The following PCDHA3 variants were observed in gnomAD, a reference collection of about 807,000 sequenced individuals.
The protein encoded by PCDHA3 is protocadherin alpha 3, also known as protocadherin alpha-3.
A neutral mutation model predicts 62.2 loss-of-function variants in PCDHA3; 41 were observed. That is an observed-to-expected ratio of 0.66 (90% CI 0.51 to 0.86). The LOEUF (loss-of-function observed/expected upper bound fraction) is 0.86. Ranked by LOEUF, PCDHA3 falls within the 40% of genes least tolerant of loss-of-function variation. The pLI is 0.00. For missense variants in PCDHA3, 1,304 were observed against 1,241.2 expected, an observed-to-expected ratio of 1.05 and a Z score of -0.76; for synonymous variants, 640 against 555.4, an observed-to-expected ratio of 1.15 and a Z score of -2.14.
chr5:140,995,893 A>T (rs1038677586), intron 3 of PCDHA3, among the ~76,000 whole-genome samples: 1 of 152,182 alleles, frequency 6.6e-6, no homozygotes, highest in Non-Finnish European at 1.5e-5. Flanking sequence ...AGATTTATCA[A>T]TGTATAAAAG....
At chr5:140,851,766 T>A in intron 1 of PCDHA3, 2 of 968,988 alleles carry the variant, frequency 2.1e-6, no homozygotes, top group South Asian at 4.8e-5. Context: ...AACATTACCC[T>A]TATGAATTTA....
chr5:140,823,254 G>T (rs2150123985), intron 1 of PCDHA3: 22 of 1,613,170 alleles, frequency 1.4e-5, no homozygotes, highest in African/African-American at 4.0e-5. Context: ...CCTACTCGCT[G>T]GTGGAGCGGC....
chr5:140,857,197 G>A, intron 1 of PCDHA3: 2 of 1,598,586 alleles, frequency 1.3e-6, no homozygotes, highest in South Asian at 1.1e-5. Context: ...CCAACGGACA[G>A]GTCACCTGCT....
intron 1 of PCDHA3, chr5:140,822,764 C>G: frequency 4.3e-6 from 7 of 1,613,898 alleles, no homozygotes; most frequent in Non-Finnish European, 5.1e-6. Flanking sequence ...TTCCCATTAT[C>G]AGGACACTGT....
At chr5:140,877,380 C>T (rs372220347) in intron 1 of PCDHA3, 25 of 1,613,862 alleles carry the variant, frequency 1.5e-5, no homozygotes, top group Middle Eastern at 1.6e-4. Context: ...CGACACGCAT[C>T]CTGGATGAGG....
At chr5:140,914,079 A>G (rs2076595090) in intron 1 of PCDHA3, among the ~76,000 whole-genome samples, 1 of 152,164 alleles carries the variant, frequency 6.6e-6, no homozygotes, top group South Asian at 2.1e-4. Context: ...ATAACTATCT[A>G]TTAGGTCAAT....
chr5:140,967,282 G>T, intron 1 of PCDHA3: 1 of 1,613,078 alleles, frequency 6.2e-7, no homozygotes. Flanking sequence ...TAGAGAGTGC[G>T]CAGGACCCCG....
intron 1 of PCDHA3, among the ~76,000 whole-genome samples, chr5:140,954,160 A>G (rs1231258623): frequency 6.6e-6 from 1 of 152,188 alleles, no homozygotes; most frequent in Non-Finnish European, 1.5e-5. Flanking sequence ...TATATGTACC[A>G]CATTTTCTTT....
Position 140,876,248 on chromosome 5 carries a change from CAA to C in PCDHA3, c.2394+72658_2394+72659del, listed in dbSNP as rs782415667. On this transcript the variant is annotated intron_variant, in intron 1 of 3. Transcript: ENST00000522353. ...TTGTCTGAAAATGTCCAAAACGACA[CAA>C]GAGTGATCCAACTAAATGCTTCCGA... 1.9e-6 allele frequency: 3 copies of C among 1,613,868 alleles called. No homozygotes were observed. In the East Asian group the frequency reaches 6.7e-5, roughly 36 times the overall value.
chr5:140,982,265 G>A lies in PCDHA3; in HGVS notation c.2454-210G>A, dbSNP rs2096974278. ...ATAAAGATAGAACATGTGTGTTCCT[G>A]GAATAGTATAGCAGGCAATAAGTAA... On this transcript the variant is annotated intron_variant, in intron 2 of 3. Transcript: ENST00000522353. 7 of 870,768 alleles carry A rather than the reference G, an allele frequency of 8.0e-6. No individual in the cohort carries two copies. In the Admixed American group the frequency reaches 1.6e-4, roughly 20 times the overall value. 53.9% of individuals were successfully genotyped at this position (870,768 alleles called of 1,614,324 possible).
At chr5:140,935,570 T>C (rs2090442737) in intron 1 of PCDHA3, among the ~76,000 whole-genome samples, 1 of 152,236 alleles carries the variant, frequency 6.6e-6, no homozygotes, top group South Asian at 2.1e-4. Context: ...TTCCTCTCTG[T>C]GTAGTTAAGC....
chr5:140,907,066 G>A (rs748785005), intron 1 of PCDHA3, among the ~76,000 whole-genome samples: 6 of 152,096 alleles, frequency 3.9e-5, no homozygotes, highest in Non-Finnish European at 8.8e-5. Context: ...TTTACTAGTG[G>A]GTCACTAGGG....
chr5:141,008,526 G>A (rs2153997518), intron 3 of PCDHA3, among the ~76,000 whole-genome samples: 1 of 152,126 alleles, frequency 6.6e-6, no homozygotes, highest in Non-Finnish European at 1.5e-5. Flanking sequence ...TCAGACTCTT[G>A]GGAATGTCTT....
intron 1 of PCDHA3, chr5:140,823,486 G>A: frequency 6.2e-7 from 1 of 1,613,254 alleles, no homozygotes; most frequent in Non-Finnish European, 8.5e-7. Flanking sequence ...TCGAGTGGGT[G>A]GCACCGGCGG....
intron 1 of PCDHA3, chr5:140,928,602 GC>G: frequency 1.2e-6 from 2 of 1,614,176 alleles, no homozygotes; most frequent in Non-Finnish European, 1.7e-6. Flanking sequence ...TGGAAATTGT[GC>G]CCCGCTCTGC....
chr5:140,808,030 C>T (rs1315545536), intron 1 of PCDHA3: 2 of 1,613,918 alleles, frequency 1.2e-6, no homozygotes, highest in Non-Finnish European at 1.7e-6. Flanking sequence ...TTTATTCATT[C>T]TCAAATGATA....
chr5:140,892,351 G>T (rs1554185157), intron 1 of PCDHA3, among the ~76,000 whole-genome samples: 1 of 152,112 alleles, frequency 6.6e-6, no homozygotes, highest in Non-Finnish European at 1.5e-5. Context: ...ATTGACTTTT[G>T]CCAGGCATCT....
At chr5:140,936,043 C>A (rs1246569956) in intron 1 of PCDHA3, among the ~76,000 whole-genome samples, 1 of 152,038 alleles carries the variant, frequency 6.6e-6, no homozygotes, top group Non-Finnish European at 1.5e-5. Context: ...CAGGCACCCA[C>A]CACCACACCC....
intron 1 of PCDHA3, among the ~76,000 whole-genome samples, chr5:140,949,279 A>T (rs2094358116): frequency 6.6e-6 from 1 of 151,848 alleles, no homozygotes; most frequent in African/African-American, 2.4e-5. Flanking sequence ...CTTGAAAAGA[A>T]TGTATATTCT....
Sources: allele counts gnomAD v4.1 joint callset (sites outside exome capture counted in the v4.1 genomes callset), GRCh38; gene constraint gnomAD v4.1.1; transcripts MANE v1.5; gene names NCBI Gene and HGNC (gene_info 2026-07-23, HGNC 2026-07-21).